JMJD8: variants seen among roughly 807,000 people sequenced by gnomAD.
JMJD8 encodes jmjC domain-containing protein 8.
A neutral mutation model predicts 37.6 loss-of-function variants in JMJD8; 56 were observed. That is an observed-to-expected ratio of 1.49 (90% CI 1.20 to 1.86). The LOEUF is 1.86. JMJD8 is among the 40% of genes most tolerant of loss of function. The pLI, the probability that JMJD8 is intolerant of heterozygous loss-of-function variation, is 0.00. For missense variants in JMJD8, 542 were observed against 362.7 expected (o/e 1.49, Z -4.01); for synonymous variants, 261 against 163.7 (o/e 1.59, Z -4.54).
Position 682,129 on chromosome 16 carries a change from C to T in JMJD8, c.*665G>A, listed in dbSNP as rs1239357554. On this transcript the variant is annotated 3_prime_UTR_variant, in exon 9 of 9. Transcript: ENST00000609261. ...GCTGGCAGGTGCTCGTGCAGTGCCC[C>T]TTTTCAGCCTCTGACCGTGTGCCCC... The T allele has an allele frequency of 3.8e-6, 6 of 1,589,860 alleles. No homozygotes were observed. Among genetic ancestry groups the T allele is most frequent in the Non-Finnish European group, 5.2e-6 (6 of 1,161,548 alleles).
In JMJD8 at chr16:682,483, C is replaced by T; in HGVS notation, c.*311G>A. 6.2e-7 allele frequency: 1 copy of T among 1,613,296 alleles called. No individual in the cohort carries two copies. Among genetic ancestry groups the T allele is most frequent in the Non-Finnish European group, 8.5e-7 (1 of 1,180,004 alleles). On this transcript the variant is annotated 3_prime_UTR_variant, in exon 9 of 9. Coordinates refer to ENST00000609261, the MANE Select transcript of JMJD8 (RefSeq NM_001005920.4). ...TCTCTGAGAATGGCTGGGTGGAGGA[C>T]TACTGAGGTTCCCTGCCCTACCTGG...
chr16:681,740 T>C lies in JMJD8; in HGVS notation c.*1054A>G. The C allele has an allele frequency of 6.4e-7, 1 of 1,554,480 alleles. No individual in the cohort carries two copies. Among genetic ancestry groups the C allele is most frequent in the Non-Finnish European group, 8.7e-7 (1 of 1,144,174 alleles). ...GGATGTTAGCTCTGAGATTGGGGTG[T>C]GGTCAGACATCTGGCCAGGTCCATC... is the stretch of plus-strand genomic sequence containing the variant. On this transcript the variant is annotated 3_prime_UTR_variant, in exon 9 of 9. Coordinates refer to ENST00000609261, the MANE Select transcript of JMJD8 (RefSeq NM_001005920.4).
chr16:682,660 C>G lies in JMJD8; in HGVS notation c.*134G>C. The G allele has an allele frequency of 2.1e-6, 3 of 1,407,394 alleles. No individual in the cohort carries two copies. Among genetic ancestry groups the G allele is most frequent in the Non-Finnish European group, 2.9e-6 (3 of 1,027,380 alleles). The allele number at this position is 1,407,394 out of a possible 1,614,324, so 87.2% of individuals were successfully genotyped here. On this transcript the variant is annotated 3_prime_UTR_variant, in exon 9 of 9. Transcript: ENST00000609261. ...CGCTTTTGCTGGGCCGTGATCGTCC[C>G]CCTTTGTGGGCTGGAAAAGCAGGTG...
chr16:681,845 G>A lies in JMJD8; in HGVS notation c.*949C>T, dbSNP rs200514887. 2.7e-4 allele frequency: 441 copies of A among 1,611,650 alleles called. 1 individual carries two copies. Among genetic ancestry groups the A allele is most frequent in the Non-Finnish European group, 3.4e-4 (405 of 1,179,212 alleles). Reference sequence around the variant, plus strand: ...CGAGGGTGATGAGGACGACAGCCACGTCCGGGCCCAGCAGGCCTGCATTGA... The same window carrying A: ...CGAGGGTGATGAGGACGACAGCCACATCCGGGCCCAGCAGGCCTGCATTGA... On this transcript the variant is annotated 3_prime_UTR_variant, in exon 9 of 9. Coordinates refer to ENST00000609261, the MANE Select transcript of JMJD8 (RefSeq NM_001005920.4).
Position 682,583 on chromosome 16 carries a change from C to T in JMJD8, c.*211G>A, listed in dbSNP as rs10221050. ...AGTTTATGTTCCTGGCCACCCCGAC[C>T]GCTTCCCCCAAGTTCTGCTGTTGGA... On this transcript the variant is annotated 3_prime_UTR_variant, in exon 9 of 9. Coordinates refer to ENST00000609261, the MANE Select transcript of JMJD8 (RefSeq NM_001005920.4). 8,267 of 1,552,678 alleles carry T rather than the reference C, an allele frequency of 5.3e-3. 356 individuals carry two copies. In the African/African-American group the frequency reaches 0.097, roughly 18 times the overall value.
rs758120574 is a variant in JMJD8 at position 681,855 on chromosome 16, A to G, written c.*939T>C. ...GAGGACGACAGCCACGTCCGGGCCCAGCAGGCCTGCATTGAGGCCAAGCAC... is the reference window on the plus strand; with the variant it reads ...GAGGACGACAGCCACGTCCGGGCCCGGCAGGCCTGCATTGAGGCCAAGCAC... On this transcript the variant is annotated 3_prime_UTR_variant, in exon 9 of 9. Transcript: ENST00000609261. The G allele has an allele frequency of 3.9e-5, 63 of 1,612,256 alleles. 1 individual carries two copies. The Admixed American group carries it at 1.0e-3, about 26-fold the overall frequency.
At chr16:683,289 C>A (rs890596693) in intron 6 of JMJD8, 33 bp downstream of exon 6, 1 of 1,611,580 alleles carries the variant, frequency 6.2e-7, no homozygotes. Flanking sequence ...CCGACAGAAG[C>A]CTCAGTCCTT....
chr16:681,914 G>A lies in JMJD8; in HGVS notation c.*880C>T, dbSNP rs753357454. ...GCCCCCCACCCACATGTGGGTCTGTGTGTGTGCACGTGGCGTGGGAGCATC... is the reference window on the plus strand; with the variant it reads ...GCCCCCCACCCACATGTGGGTCTGTATGTGTGCACGTGGCGTGGGAGCATC... On this transcript the variant is annotated 3_prime_UTR_variant, in exon 9 of 9. Coordinates refer to ENST00000609261, the MANE Select transcript of JMJD8 (RefSeq NM_001005920.4). The A allele has an allele frequency of 8.1e-6, 13 of 1,612,826 alleles. No individual in the cohort carries two copies. Among genetic ancestry groups the A allele is most frequent in the South Asian group, 2.2e-5 (2 of 91,076 alleles).
In JMJD8 at chr16:681,742, G is replaced by C; in HGVS notation, c.*1052C>G. On this transcript the variant is annotated 3_prime_UTR_variant, in exon 9 of 9. Coordinates refer to ENST00000609261, the MANE Select transcript of JMJD8 (RefSeq NM_001005920.4). ...ATGTTAGCTCTGAGATTGGGGTGTG[G>C]TCAGACATCTGGCCAGGTCCATCTC... is the stretch of plus-strand genomic sequence containing the variant. The C allele has an allele frequency of 3.8e-6, 6 of 1,559,860 alleles. No individual in the cohort carries two copies. The highest frequency in any genetic ancestry group is 5.2e-6 in the Non-Finnish European group (6 of 1,147,662).
Position 684,109 on chromosome 16 carries a change from C to T in JMJD8, c.133G>A (p.Val45Met). 7.1e-6 allele frequency: 11 copies of T among 1,554,566 alleles called. No homozygotes were observed. The highest frequency in any genetic ancestry group is 4.7e-5 in the South Asian group (4 of 85,724). Reference protein sequence around the residue: ...GAVAEEERCTVERRADLTYAE... With the variant: ...GAVAEEERCTMERRADLTYAE... ...TAGGTGAGGTCGGCCCGACGCTCCACCGTGCAGCGCTCCTCCTCCGCCACG... is the reference window on the plus strand; with the variant it reads ...TAGGTGAGGTCGGCCCGACGCTCCATCGTGCAGCGCTCCTCCTCCGCCACG... Residue 45 changes from valine (V) to methionine (M), a missense_variant, in exon 2 of 9, where the codon GTG becomes ATG. Val to Met is a conservative substitution (Grantham distance 21, BLOSUM62 1). Coordinates refer to ENST00000609261, the MANE Select transcript of JMJD8 (RefSeq NM_001005920.4).
rs2039725617 is a variant in JMJD8, at chr16:682,742, C to T, written c.*52G>A. 1.9e-6 allele frequency: 3 copies of T among 1,591,254 alleles called. No homozygotes were observed. The highest frequency in any genetic ancestry group is 2.7e-5 in the African/African-American group (2 of 74,638). On this transcript the variant is annotated 3_prime_UTR_variant, in exon 9 of 9. Transcript: ENST00000609261. ...CTATCTGTGTAATAAAATCCGTGAG[C>T]ACGAGGTGGGACGTGCTGGTGTGTG...
rs762465505 is a variant in JMJD8, at chr16:683,787, G to A, written c.226-6C>T. ...GAGCACAGGGCCCGGAACCTCTGCG[G>A]GGGCGGGGAGGGGACTTAGTGGCCG... On this transcript the variant is annotated splice_polypyrimidine_tract_variant and splice_region_variant and intron_variant, in intron 3 of 8. Transcript: ENST00000609261. 111 of 1,599,308 alleles carry A rather than the reference G, an allele frequency of 6.9e-5. No homozygotes were observed. Among genetic ancestry groups the A allele is most frequent in the Non-Finnish European group, 8.3e-5 (97 of 1,173,878 alleles).
In JMJD8 at chr16:682,976, C is replaced by T. The variant is rs768253570; in HGVS notation, c.691G>A (p.Glu231Lys). 6 of 1,613,248 alleles carry T rather than the reference C, an allele frequency of 3.7e-6. No individual in the cohort carries two copies. Among genetic ancestry groups the T allele is most frequent in the Non-Finnish European group, 4.2e-6 (5 of 1,179,828 alleles). ...ACCTCACCAGCCCGGATGGTACACT[C>T]CAGGGGCCGTGCAGACGGTGGCAGG... The part of the protein sequence containing the change: ...PALPPSARPL[E>K]CTIRAGEVLY... Residue 231 changes from glutamate (E) to lysine (K), a missense_variant, in exon 8 of 9, where the codon GAG becomes AAG. By Grantham distance (56) the Glu-to-Lys change is moderately conservative (BLOSUM62 1). Coordinates refer to ENST00000609261, the MANE Select transcript of JMJD8 (RefSeq NM_001005920.4).
Position 682,771 on chromosome 16 carries a change from G to A in JMJD8, c.*23C>T, listed in dbSNP as rs201221033. 635 of 1,611,438 alleles carry A rather than the reference G, an allele frequency of 3.9e-4. No individual in the cohort carries two copies. The highest frequency in any genetic ancestry group is 5.5e-4 in the Admixed American group (33 of 59,912). ...AGGTGGGACGTGCTGGTGTGTGACC[G>A]GCAGTCCTGCCAGCTGTTTTGGCTA... On this transcript the variant is annotated 3_prime_UTR_variant, in exon 9 of 9. Transcript: ENST00000609261.
chr16:681,825 G>T lies in JMJD8; in HGVS notation c.*969C>A. ...GAAGAGTGCCAGCGAAACCACGAGG[G>T]TGATGAGGACGACAGCCACGTCCGG... On this transcript the variant is annotated 3_prime_UTR_variant, in exon 9 of 9. Transcript: ENST00000609261. The T allele has an allele frequency of 6.2e-7, 1 of 1,609,098 alleles. No individual in the cohort carries two copies. Among genetic ancestry groups the T allele is most frequent in the Non-Finnish European group, 8.5e-7 (1 of 1,177,190 alleles).
rs778875883 is a variant in JMJD8 at position 683,696 on chromosome 16, G to C, written c.311C>G (p.Ser104Cys). 2.5e-6 allele frequency: 4 copies of C among 1,604,562 alleles called. No individual in the cohort carries two copies. The highest frequency in any genetic ancestry group is 3.4e-5 in the Admixed American group (2 of 58,864). ...VVRLSTANTY[S>C]YHKVDLPFQE... The stretch of plus-strand genomic sequence containing the variant: ...GTGAGGCCGCGTACCTTTGTGGTAG[G>C]AGTAGGTGTTGGCGGTGCTCAGCCG... Residue 104 changes from serine (S) to cysteine (C), a missense_variant, in exon 4 of 9, where the codon TCC becomes TGC. Physicochemically the swap from Ser to Cys is moderately radical, Grantham distance 112 (BLOSUM62 -1). Coordinates refer to ENST00000609261, the MANE Select transcript of JMJD8 (RefSeq NM_001005920.4).
Position 682,188 on chromosome 16 carries a change from G to A in JMJD8, c.*606C>T, listed in dbSNP as rs748948956. On this transcript the variant is annotated 3_prime_UTR_variant, in exon 9 of 9. Coordinates refer to ENST00000609261, the MANE Select transcript of JMJD8 (RefSeq NM_001005920.4). ...AGAAGCGAGACATCCCCGACTACCT[G>A]TGTGGCAAGATCAGCTTTGAGCTGA... 1.9e-6 allele frequency: 3 copies of A among 1,610,138 alleles called. No individual in the cohort carries two copies. In the East Asian group the frequency reaches 6.7e-5, roughly 36 times the overall value.
chr16:683,908 A>C lies in JMJD8; in HGVS notation c.178T>G (p.Tyr60Asp). The change falls in exon 3 of 9, where the codon TAC becomes GAC. Residue 60 changes from tyrosine (Y) to aspartate (D), a missense_variant and splice_region_variant. By Grantham distance (160) the Tyr-to-Asp change is radical. Transcript: ENST00000609261. ...DLTYAEFVQQ[Y>D]AFVRPVILQG... is the part of the protein sequence containing the mutation. ...AGGATGACGGGCCTGACGAAGGCGT[A>C]CCTGGAAAGAAGGGCAGAGTCGCGG... 6.3e-7 allele frequency: 1 copy of C among 1,577,714 alleles called. No homozygotes were observed. Among genetic ancestry groups the C allele is most frequent in the Non-Finnish European group, 8.6e-7 (1 of 1,165,002 alleles).
At position 683,769 on chromosome 16, in the gene JMJD8, G is replaced by C; in HGVS notation, c.238C>G (p.Leu80Val). 2 of 1,607,916 alleles carry C rather than the reference G, an allele frequency of 1.2e-6. No homozygotes were observed. Among genetic ancestry groups the C allele is most frequent in the Non-Finnish European group, 1.7e-6 (2 of 1,177,834 alleles). ...GLTDNSRFRALCSRDRLLASF... is the reference protein window; with the variant it reads ...GLTDNSRFRAVCSRDRLLASF... ...GCCAGCAACCTGTCGCGGGAGCACA[G>C]GGCCCGGAACCTCTGCGGGGGCGGG... The change falls in exon 4 of 9, where the codon CTG (leucine) becomes GTG (valine). Residue 80 changes from leucine to valine, a missense_variant. Leu to Val is a conservative substitution (Grantham distance 32, BLOSUM62 1). Transcript: ENST00000609261.
Sources: gnomAD v4.1 joint callset for allele counts on GRCh38, gnomAD v4.1.1 for gene constraint, MANE v1.5 for transcripts, NCBI Gene and HGNC (gene_info 2026-07-23, HGNC 2026-07-21) for gene names.